Variants in PPME1 observed in about 807,000 individuals in gnomAD.
The protein encoded by PPME1 is protein phosphatase methylesterase 1.
Under a neutral mutation model 56.9 loss-of-function variants are expected in PPME1, and 17 were observed. The observed-to-expected ratio is 0.30, with a 90% CI of 0.20 to 0.45. The LOEUF (loss-of-function observed/expected upper bound fraction) is 0.45, where lower values mean the gene tolerates loss of function less well. Among genes scored for constraint, PPME1 ranks in the 20% least tolerant of loss-of-function variants. The pLI is 1.00. For synonymous variants in PPME1, 122 were observed against 156.2 expected (o/e 0.78, Z 1.63); for missense variants, 357 against 483.2 (o/e 0.74, Z 2.45).
chr11:74,224,568 AC>A (rs535400168), intron 4 of PPME1, among the ~76,000 whole-genome samples: 265 of 134,374 alleles, frequency 2.0e-3, no homozygotes, highest in African/African-American at 8.7e-3. Flanking sequence ...GATTCTTCCT[AC>A]CCATGGGCAT....
chr11:74,173,385 T>G (rs1857331525), intron 1 of PPME1, among the ~76,000 whole-genome samples: 1 of 152,126 alleles, frequency 6.6e-6, no homozygotes, highest in Non-Finnish European at 1.5e-5. Flanking sequence ...ATTCCTTAGA[T>G]AAGCTTAATT....
intron 1 of PPME1, among the ~76,000 whole-genome samples, chr11:74,198,167 A>G (rs994010400): frequency 2.6e-5 from 4 of 152,216 alleles, no homozygotes; most frequent in Non-Finnish European, 4.4e-5. Context: ...AAAACTTTAA[A>G]ATTGACTTTG....
chr11:74,203,675 T>A (rs1432309967), intron 1 of PPME1, 53 bp from the exon 2 acceptor site: 1 of 1,390,510 alleles, frequency 7.2e-7, no homozygotes, highest in Non-Finnish European at 1.0e-6. Context: ...GACCAAGATT[T>A]TATCTCTTTA....
intron 1 of PPME1, among the ~76,000 whole-genome samples, chr11:74,173,174 G>A (rs1317417432): frequency 2.0e-5 from 3 of 152,160 alleles, no homozygotes; most frequent in Non-Finnish European, 1.5e-5. Context: ...AGAAAAGTTG[G>A]ACTATAACAT....
chr11:74,224,909 C>T (rs1858896150), intron 4 of PPME1, among the ~76,000 whole-genome samples: 1 of 151,348 alleles, frequency 6.6e-6, no homozygotes, highest in Non-Finnish European at 1.5e-5. Flanking sequence ...ATTTGACTTC[C>T]TCTTTTCCTA....
In PPME1 at chr11:74,171,463, C is replaced by T. The variant is rs779669913; in HGVS notation, c.42C>T (p.Pro14=). The T allele has an allele frequency of 1.4e-5, 23 of 1,613,318 alleles. No individual in the cohort carries two copies. Among genetic ancestry groups the T allele is most frequent in the South Asian group, 6.6e-5 (6 of 90,932 alleles). Residue 14 remains proline (P), a synonymous_variant, in exon 1 of 14, where the codon CCC becomes CCT. Coordinates refer to ENST00000328257, the MANE Select transcript of PPME1 (RefSeq NM_016147.3). ...LEKSMHLGRL[P]SRPPLPGSGG... The stretch of plus-strand genomic sequence containing the variant: ...AGAGCATGCACCTCGGCCGCCTTCC[C>T]TCTCGCCCACCTCTACCCGGCAGCG...
At chr11:74,216,946 CAA>C (rs1858662325) in intron 3 of PPME1, among the ~76,000 whole-genome samples, 1 of 152,000 alleles carries the variant, frequency 6.6e-6, no homozygotes, top group African/African-American at 2.4e-5. Flanking sequence ...CTGAACAGAC[CAA>C]TAACAAGTAA....
intron 9 of PPME1, among the ~76,000 whole-genome samples, chr11:74,244,436 T>C (rs959211215): frequency 6.6e-6 from 1 of 152,204 alleles, no homozygotes; most frequent in African/African-American, 2.4e-5. Context: ...CTTATTTTTC[T>C]CTTTTTTGAT....
chr11:74,194,130 C>T (rs1373876741), intron 1 of PPME1, among the ~76,000 whole-genome samples: 1 of 152,016 alleles, frequency 6.6e-6, no homozygotes, highest in African/African-American at 2.4e-5. Flanking sequence ...TGAGAGCTGT[C>T]TTTGTTTTTT....
At chr11:74,184,989 CTTTTTTTTTTTTT>C (rs559947122) in intron 1 of PPME1, among the ~76,000 whole-genome samples, 11,885 of 95,896 alleles carry the variant, frequency 0.12, 1,398 homozygotes, top group African/African-American at 0.37. Flanking sequence ...TGAAGTATGT[CTTTTTTTTTTTTT>C]TTTTTTTTTT....
chr11:74,214,585 CAAAT>C (rs1858574403), intron 3 of PPME1, among the ~76,000 whole-genome samples: 1 of 151,002 alleles, frequency 6.6e-6, no homozygotes, highest in Non-Finnish European at 1.5e-5. Context: ...AGAAAAGAAA[CAAAT>C]AATATACAAT....
intron 9 of PPME1, 43 bp downstream of exon 9, chr11:74,239,299 G>T: frequency 6.3e-7 from 1 of 1,593,940 alleles, no homozygotes; most frequent in South Asian, 1.1e-5. Flanking sequence ...GGTATGGAAT[G>T]GTTCAAACTG....
chr11:74,214,818 T>C (rs1858584489), intron 3 of PPME1, among the ~76,000 whole-genome samples: 1 of 151,926 alleles, frequency 6.6e-6, no homozygotes, highest in Admixed American at 6.6e-5. Context: ...TTACAAGAAA[T>C]GCTAAAGGTA....
chr11:74,236,273 T>C (rs1461911460), intron 8 of PPME1, among the ~76,000 whole-genome samples: 20 of 152,160 alleles, frequency 1.3e-4, no homozygotes, highest in Admixed American at 1.0e-3. Flanking sequence ...TTAACCTTAG[T>C]GATAGCAGCT....
chr11:74,171,337 G>A lies in PPME1; in HGVS notation c.-85G>A. 2 of 1,522,120 alleles carry A rather than the reference G, an allele frequency of 1.3e-6. No individual in the cohort carries two copies. The highest frequency in any genetic ancestry group is 2.5e-5 in the South Asian group (2 of 80,236). 94.3% of individuals were successfully genotyped at this position (1,522,120 alleles called of 1,614,324 possible). ...CAAAGGCGACAGGGCGTCGTTAGGG[G>A]AGCGAGTCGTGACCGGTTGGGCCAC... On this transcript the variant is annotated 5_prime_UTR_variant, in exon 1 of 14. Transcript: ENST00000328257.
In PPME1 at chr11:74,246,077, C is replaced by T. The variant is rs1267876184; in HGVS notation, c.836C>T (p.Thr279Ile). Residue 279 changes from threonine (T) to isoleucine (I), a missense_variant and splice_region_variant, in exon 10 of 14, where the codon ACC (threonine) becomes ATC (isoleucine). Around this residue, in one of 2 missense-constraint regions of PPME1, gnomAD observed 182 missense variants for 293.8 expected, o/e 0.62. Coordinates refer to ENST00000328257, the MANE Select transcript of PPME1 (RefSeq NM_016147.3). ...CAGAACTTGCTCTTATTCCTCCAGA[C>T]CAAGAAAGACCATCCATACACCTGG... ...SKRKKEDDMETKKDHPYTWRI... is the reference protein window; with the variant it reads ...SKRKKEDDMEIKKDHPYTWRI... 6.3e-7 allele frequency: 1 copy of T among 1,579,830 alleles called. No individual in the cohort carries two copies. The highest frequency in any genetic ancestry group is 1.2e-5 in the South Asian group (1 of 85,858).
At chr11:74,202,450 G>A (rs151037609) in intron 1 of PPME1, among the ~76,000 whole-genome samples, 2 of 152,122 alleles carry the variant, frequency 1.3e-5, no homozygotes, top group African/African-American at 4.8e-5. Context: ...CTACCCAGCC[G>A]CTGTGTTGTA....
intron 1 of PPME1, among the ~76,000 whole-genome samples, chr11:74,191,389 T>C (rs79828978): frequency 1.7e-3 from 253 of 152,286 alleles, no homozygotes; most frequent in African/African-American, 5.4e-3. Context: ...AGACTGTAAA[T>C]GTTTGGAAAA....
At chr11:74,234,419 A>C (rs1859143072) in intron 7 of PPME1, among the ~76,000 whole-genome samples, 1 of 152,228 alleles carries the variant, frequency 6.6e-6, no homozygotes, top group African/African-American at 2.4e-5. Context: ...GTCTTGGGAT[A>C]TTCCACAATA....
Sources: allele counts gnomAD v4.1 joint callset (sites outside exome capture counted in the v4.1 genomes callset), GRCh38; gene constraint gnomAD v4.1.1; regional missense constraint gnomAD v4.1.1; transcripts MANE v1.5; gene names NCBI Gene and HGNC (gene_info 2026-07-23, HGNC 2026-07-21).